Variants in DGKB observed in about 807,000 individuals in gnomAD.
DGKB encodes diacylglycerol kinase beta.
In DGKB, 67 loss-of-function variants were observed where a neutral mutation model predicts 114.3. The observed-to-expected ratio is 0.59, with a 90% CI of 0.48 to 0.72. The LOEUF (loss-of-function observed/expected upper bound fraction) is 0.72. Among genes scored for constraint, DGKB ranks in the 30% least tolerant of loss-of-function variants. The pLI is 0.00. For synonymous variants in DGKB, 398 were observed against 323.1 expected (o/e 1.23, Z -2.49); for missense variants, 907 against 975.2 (o/e 0.93, Z 0.93).
At chr7:14,727,515 A>G (rs543160470) in intron 5 of DGKB, among the ~76,000 whole-genome samples, 11 of 152,310 alleles carry the variant, frequency 7.2e-5, no homozygotes, top group Non-Finnish European at 1.3e-4. Context: ...GTTGATATAA[A>G]TAAATATGAA....
At chr7:14,871,956 C>T (rs576875979) in intron 1 of DGKB, among the ~76,000 whole-genome samples, 2 of 152,194 alleles carry the variant, frequency 1.3e-5, no homozygotes, top group African/African-American at 4.8e-5. Context: ...GCTAAAGCTT[C>T]TATGATTTAT....
intron 21 of DGKB, among the ~76,000 whole-genome samples, chr7:14,392,629 T>C (rs887317299): frequency 5.9e-5 from 9 of 152,172 alleles, no homozygotes; most frequent in South Asian, 2.1e-4. Context: ...TGCAGTGGCA[T>C]TGACAGAATG....
chr7:14,735,166 AC>A (rs1429344612), intron 5 of DGKB, among the ~76,000 whole-genome samples: 1 of 152,094 alleles, frequency 6.6e-6, no homozygotes, highest in Non-Finnish European at 1.5e-5. Flanking sequence ...ACGGTGATGC[AC>A]CCTCCTCAGA....
At chr7:14,946,341 T>C (rs1030441973) in intron 1 of DGKB, among the ~76,000 whole-genome samples, 7 of 151,712 alleles carry the variant, frequency 4.6e-5, no homozygotes, top group African/African-American at 1.4e-4. Context: ...AGAAAATGAA[T>C]GGACCCTCCA....
chr7:14,786,976 G>T (rs2128498567), intron 2 of DGKB, among the ~76,000 whole-genome samples: 1 of 152,318 alleles, frequency 6.6e-6, no homozygotes, highest in East Asian at 1.9e-4. Context: ...AGGATGATCT[G>T]ACTGTGGAGA....
intron 12 of DGKB, among the ~76,000 whole-genome samples, chr7:14,681,344 A>C (rs4521664): frequency 6.6e-6 from 1 of 151,986 alleles, no homozygotes; most frequent in Non-Finnish European, 1.5e-5. Flanking sequence ...CAGAAAATGT[A>C]TTCATTTAAA....
At chr7:14,832,894 G>A (rs956676014) in intron 2 of DGKB, among the ~76,000 whole-genome samples, 4 of 151,814 alleles carry the variant, frequency 2.6e-5, no homozygotes, top group Admixed American at 2.0e-4. Context: ...CTCCAGATAT[G>A]TATTTCCAAG....
At chr7:14,813,297 C>T (rs1231084334) in intron 2 of DGKB, among the ~76,000 whole-genome samples, 1 of 152,068 alleles carries the variant, frequency 6.6e-6, no homozygotes, top group Non-Finnish European at 1.5e-5. Context: ...TTAATTTTTA[C>T]TTCAACTTCA....
At chr7:14,955,311 A>G (rs13437955) in intron 1 of DGKB, among the ~76,000 whole-genome samples, 57,096 of 151,808 alleles carry the variant, frequency 0.38, 13,092 homozygotes, top group East Asian at 0.88. Flanking sequence ...TGCCAAAATT[A>G]GTGCTTCTTA....
chr7:14,530,834 C>T (rs550202236), intron 20 of DGKB, among the ~76,000 whole-genome samples: 8 of 151,608 alleles, frequency 5.3e-5, no homozygotes, highest in African/African-American at 1.9e-4. Flanking sequence ...AAGATGCTAG[C>T]AGAAAATGTC....
At chr7:14,950,085 A>C (rs1353483806) in intron 1 of DGKB, among the ~76,000 whole-genome samples, 1 of 150,078 alleles carries the variant, frequency 6.7e-6, no homozygotes, top group South Asian at 2.2e-4. Context: ...CATGTACCCT[A>C]GAACTTAAAA....
chr7:14,165,375 G>A (rs190720463), intron 25 of DGKB, among the ~76,000 whole-genome samples: 72 of 152,252 alleles, frequency 4.7e-4, no homozygotes, highest in African/African-American at 1.7e-3. Context: ...CCAGTCCTCT[G>A]TTCTGTGATT....
At chr7:14,718,710 TTTG>T (rs751728320) in intron 5 of DGKB, 25 bp from the exon 6 acceptor site, 5 of 1,571,434 alleles carry the variant, frequency 3.2e-6, no homozygotes, top group South Asian at 2.3e-5. Context: ...GTCTTTATAT[TTTG>T]TTAATTATTT....
chr7:14,343,646 C>T (rs1049766875), intron 22 of DGKB, among the ~76,000 whole-genome samples: 8 of 151,322 alleles, frequency 5.3e-5, no homozygotes, highest in Admixed American at 6.6e-5. Context: ...GGATCTCCAC[C>T]TACATTCAAC....
intron 21 of DGKB, among the ~76,000 whole-genome samples, chr7:14,429,971 A>G (rs1192953386): frequency 6.6e-6 from 1 of 152,158 alleles, no homozygotes. Flanking sequence ...AAATTCCTGC[A>G]AGCATACTAG....
intron 23 of DGKB, among the ~76,000 whole-genome samples, chr7:14,200,406 A>G (rs1218491542): frequency 6.6e-6 from 1 of 152,030 alleles, no homozygotes; most frequent in Non-Finnish European, 1.5e-5. Flanking sequence ...ATCACTAGGA[A>G]TATTTTAGTG....
At chr7:14,638,699 C>T (rs1413662839) in intron 13 of DGKB, among the ~76,000 whole-genome samples, 3 of 152,088 alleles carry the variant, frequency 2.0e-5, no homozygotes, top group South Asian at 2.1e-4. Context: ...TCAATTCCTG[C>T]TATGTTGACT....
At chr7:14,648,194 G>C (rs966457474) in intron 13 of DGKB, among the ~76,000 whole-genome samples, 12 of 152,340 alleles carry the variant, frequency 7.9e-5, no homozygotes, top group Admixed American at 2.0e-4. Context: ...TGGGGGCAAG[G>C]CACAGACAAA....
chr7:14,520,629 C>G (rs1430378581), intron 20 of DGKB, among the ~76,000 whole-genome samples: 1 of 151,704 alleles, frequency 6.6e-6, no homozygotes, highest in East Asian at 1.9e-4. Context: ...TTGTTGTTTT[C>G]CCAGATTTTT....
Sources: gnomAD v4.1 joint callset for allele counts (sites outside exome capture counted in the v4.1 genomes callset) on GRCh38, gnomAD v4.1.1 for gene constraint, MANE v1.5 for transcripts, NCBI Gene and HGNC (gene_info 2026-07-23, HGNC 2026-07-21) for gene names.